Variants in CMIP observed in about 807,000 individuals in gnomAD.
CMIP encodes the protein C-Maf-inducing protein.
CMIP carries 13 observed loss-of-function variants against 97.3 expected under a neutral mutation model. The ratio of observed to expected loss-of-function variants is 0.13; its 90% CI spans 0.09 to 0.21. The LOEUF (loss-of-function observed/expected upper bound fraction) is 0.21, where lower values mean the gene tolerates loss of function less well. CMIP is among the 10% of genes least tolerant of loss of function. The pLI, the probability that CMIP is intolerant of heterozygous loss-of-function variation, is 1.00. For synonymous variants in CMIP, 538 were observed against 436.3 expected (o/e 1.23, Z -2.91); for missense variants, 847 against 1,024.9 (o/e 0.83, Z 2.37).
At chr16:81,577,393 T>TC (rs1318684944) in intron 1 of CMIP, among the ~76,000 whole-genome samples, 6 of 144,562 alleles carry the variant, frequency 4.2e-5, no homozygotes, top group Non-Finnish European at 7.5e-5. Context: ...ACCACCATCA[T>TC]CCCCATTACC....
At chr16:81,565,397 G>A (rs1020324714) in intron 1 of CMIP, among the ~76,000 whole-genome samples, 2 of 152,160 alleles carry the variant, frequency 1.3e-5, no homozygotes, top group Non-Finnish European at 1.5e-5. Context: ...CAGAGCCTGC[G>A]GCACCTTCAT....
intron 1 of CMIP, among the ~76,000 whole-genome samples, chr16:81,532,032 C>G (rs558132890): frequency 1.3e-5 from 2 of 152,336 alleles, no homozygotes; most frequent in African/African-American, 4.8e-5. Context: ...ATGTCAGGCA[C>G]TAAGTCGGGC....
At chr16:81,478,753 T>C (rs909064881) in intron 1 of CMIP, among the ~76,000 whole-genome samples, 7 of 152,168 alleles carry the variant, frequency 4.6e-5, no homozygotes, top group African/African-American at 1.4e-4. Flanking sequence ...GGTGTGGACG[T>C]TGAGGGCCAG....
intron 1 of CMIP, chr16:81,603,495 G>T (rs199733408): frequency 4.4e-6 from 2 of 454,254 alleles, no homozygotes; most frequent in Non-Finnish European, 8.8e-6. Flanking sequence ...CCAGCTGCTA[G>T]TATCTTAGTC....
chr16:81,495,485 G>A (rs2089472850), intron 1 of CMIP: 2 of 1,613,238 alleles, frequency 1.2e-6, no homozygotes, highest in Non-Finnish European at 8.5e-7. Flanking sequence ...GGATGGGACA[G>A]GCTGCTGAGG....
At chr16:81,475,282 T>C (rs888448160) in intron 1 of CMIP, among the ~76,000 whole-genome samples, 2 of 152,256 alleles carry the variant, frequency 1.3e-5, no homozygotes, top group African/African-American at 4.8e-5. Context: ...ATGATCTGTT[T>C]CAGCCATGCA....
chr16:81,561,224 G>C (rs779668383), intron 1 of CMIP, among the ~76,000 whole-genome samples: 5 of 152,192 alleles, frequency 3.3e-5, no homozygotes, highest in Non-Finnish European at 7.3e-5. Flanking sequence ...CAAAGTGCTG[G>C]GATTGCAGGC....
intron 3 of CMIP, among the ~76,000 whole-genome samples, chr16:81,636,078 TGTGTGTGTGA>T: frequency 1.4e-5 from 1 of 69,470 alleles, no homozygotes; most frequent in Middle Eastern, 9.3e-3. Flanking sequence ...GTTGTGTGTT[TGTGTGTGTGA>T]GTGTGTGTGT....
chr16:81,564,927 C>T lies in CMIP; in HGVS notation c.301-42640C>T, dbSNP rs142671941. On this transcript the variant is annotated intron_variant, in intron 1 of 20. Coordinates refer to ENST00000537098, the MANE Select transcript of CMIP (RefSeq NM_198390.3). ...TGGAATGAGTGCATGTGTGCCCGGG[C>T]GACTGTATGCAGGTGGGAGGCATGA... is the stretch of plus-strand genomic sequence containing the variant. 5.4e-3 allele frequency among the ~76,000 whole-genome samples: 816 copies of T among 151,070 alleles called. 8 individuals are homozygous for T. The highest frequency in any genetic ancestry group is 0.021 in the South Asian group (99 of 4,764).
At position 81,582,714 on chromosome 16, in the gene CMIP, A is replaced by C. The variant is rs75517272; in HGVS notation, c.301-24853A>C. On this transcript the variant is annotated intron_variant, in intron 1 of 20. Coordinates refer to ENST00000537098, the MANE Select transcript of CMIP (RefSeq NM_198390.3). The stretch of plus-strand genomic sequence containing the variant: ...AGGGCCTCGCTCCCATGCAGGGCAC[A>C]GTCCTGACTAGTGTATTGCTTGGGT... Among the ~76,000 whole-genome samples the C allele has an allele frequency of 6.3e-3, 956 of 152,332 alleles. 9 individuals carry two copies. The highest frequency in any genetic ancestry group is 0.022 in the African/African-American group (912 of 41,580).
In CMIP at chr16:81,470,824, A is replaced by G. The variant is rs972750017; in HGVS notation, c.300+25283A>G. 3.3e-5 allele frequency among the ~76,000 whole-genome samples: 5 copies of G among 152,256 alleles called. No individual in the cohort carries two copies. In the East Asian group the frequency reaches 5.8e-4, roughly 18 times the overall value. ...TCCATATAGTTTGTAAGTAAACACA[A>G]TTCTTGACTTCCTCATGTGATCTCT... On this transcript the variant is annotated intron_variant, in intron 1 of 20. Transcript: ENST00000537098.
chr16:81,690,339 GGTTTGTA>G (rs1368532872), intron 10 of CMIP, among the ~76,000 whole-genome samples: 1 of 152,122 alleles, frequency 6.6e-6, no homozygotes, highest in Non-Finnish European at 1.5e-5. Flanking sequence ...ATTGAGCAGT[GGTTTGTA>G]GTTCTCCTTG....
rs922990124 is a variant in CMIP, at chr16:81,710,640, A to C, written c.*841A>C. 1.3e-5 allele frequency: 2 copies of C among 151,488 alleles called. No homozygotes were observed. Among genetic ancestry groups the C allele is most frequent in the Non-Finnish European group, 2.9e-5 (2 of 67,892 alleles). 9.4% of individuals were successfully genotyped at this position (151,488 alleles called of 1,614,324 possible). A position where few individuals can be genotyped will look rare whatever the true frequency, so the allele number is the denominator to read the frequency against. ...TGTCTGTCTGTCTGCCCACTCCCCC[A>C]CCCACCACTGTGCGTTTCTGATTTC... On this transcript the variant is annotated 3_prime_UTR_variant, in exon 21 of 21. Coordinates refer to ENST00000537098, the MANE Select transcript of CMIP (RefSeq NM_198390.3).
chr16:81,606,862 C>G (rs1400650383), intron 1 of CMIP: 1 of 154,842 alleles, frequency 6.5e-6, no homozygotes, highest in Non-Finnish European at 1.5e-5. Flanking sequence ...TGAGATGAGA[C>G]CTGGAGAGTA....
At chr16:81,554,853 A>AAGAGATG (rs1248629276) in intron 1 of CMIP, among the ~76,000 whole-genome samples, 5 of 152,242 alleles carry the variant, frequency 3.3e-5, no homozygotes, top group Non-Finnish European at 7.3e-5. Context: ...ACAGGCCCTG[A>AAGAGATG]AGAGATGATG....
At chr16:81,553,807 C>T (rs966813576) in intron 1 of CMIP, among the ~76,000 whole-genome samples, 1 of 152,234 alleles carries the variant, frequency 6.6e-6, no homozygotes, top group Non-Finnish European at 1.5e-5. Flanking sequence ...GAGGCATGAG[C>T]TTCTAATTAG....
At chr16:81,505,663 T>C (rs182711911) in intron 1 of CMIP, among the ~76,000 whole-genome samples, 17 of 152,350 alleles carry the variant, frequency 1.1e-4, no homozygotes, top group African/African-American at 3.8e-4. Flanking sequence ...GGGTCTCTCT[T>C]TGAGTCTCTC....
rs554002230 is a variant in CMIP at position 81,563,089 on chromosome 16, G to T, written c.301-44478G>T. Among the ~76,000 whole-genome samples the T allele has an allele frequency of 4.6e-5, 7 of 152,328 alleles. No homozygotes were observed. In the South Asian group the frequency reaches 1.2e-3, roughly 27 times the overall value. The stretch of plus-strand genomic sequence containing the variant: ...GACCCGCCAGAGGAAAAACCATCTT[G>T]TTTTGCACAAAGCCTCCCCCAGCTG... On this transcript the variant is annotated intron_variant, in intron 1 of 20. Coordinates refer to ENST00000537098, the MANE Select transcript of CMIP (RefSeq NM_198390.3).
At chr16:81,648,510 G>A (rs1047970706) in intron 3 of CMIP, among the ~76,000 whole-genome samples, 1 of 152,072 alleles carries the variant, frequency 6.6e-6, no homozygotes, top group Non-Finnish European at 1.5e-5. Context: ...TTGGCCAGGC[G>A]CAGTGGCTGC....
Sources: allele counts gnomAD v4.1 joint callset (sites outside exome capture counted in the v4.1 genomes callset), GRCh38; gene constraint gnomAD v4.1.1; transcripts MANE v1.5; gene names NCBI Gene and HGNC (gene_info 2026-07-23, HGNC 2026-07-21).